RFX3: variants seen among roughly 807,000 people sequenced by gnomAD.
RFX3 encodes the protein transcription factor RFX3.
Under a neutral mutation model 98.6 loss-of-function variants are expected in RFX3, and 14 were observed. That is an observed-to-expected ratio of 0.14 (90% CI 0.09 to 0.22). The LOEUF is 0.22. Ranked by LOEUF, RFX3 falls within the 10% of genes least tolerant of loss-of-function variation. RFX3 has a pLI of 1.00. For synonymous variants in RFX3, 383 were observed against 328.4 expected, an observed-to-expected ratio of 1.17 and a Z score of -1.80; for missense variants, 639 against 926.9, an observed-to-expected ratio of 0.69 and a Z score of 4.03.
At chr9:3,434,613 C>T (rs1844953509) in intron 1 of RFX3, among the ~76,000 whole-genome samples, 1 of 152,038 alleles carries the variant, frequency 6.6e-6, no homozygotes, top group African/African-American at 2.4e-5. Context: ...GAACATCCTT[C>T]CCTAATCTTT....
chr9:3,505,331 T>TAAATATAAAATAAAATATTTTTA lies in RFX3; in HGVS notation c.-9+20415_-9+20416insTAAAAATATTTTATTTTATATTT, dbSNP rs1816908961. On this transcript the variant is annotated intron_variant, in intron 1 of 16. Coordinates refer to ENST00000617270, the MANE Select transcript of RFX3 (RefSeq NM_001282116.2). ...AAATATATATTAATGTATATTTATA[T>TAAATATAAAATAAAATATTTTTA]TTTATATAAATAAAATATTTTATAT... is the stretch of plus-strand genomic sequence containing the variant. 6.7e-4 allele frequency among the ~76,000 whole-genome samples: 61 copies of TAAATATAAAATAAAATATTTTTA among 90,758 alleles called. 6 individuals are homozygous for TAAATATAAAATAAAATATTTTTA. Among genetic ancestry groups the TAAATATAAAATAAAATATTTTTA allele is most frequent in the African/African-American group, 2.6e-3 (47 of 17,738 alleles). The allele number at this position is 90,758 out of a possible 152,430, so 59.5% of individuals were successfully genotyped here.
intron 7 of RFX3, among the ~76,000 whole-genome samples, chr9:3,286,898 C>T (rs1056002144): frequency 4.0e-5 from 6 of 151,854 alleles, no homozygotes; most frequent in Non-Finnish European, 8.8e-5. Flanking sequence ...CTTTTTATGA[C>T]TCCTCTAAGT....
chr9:3,233,948 A>C (rs941403691), intron 15 of RFX3, among the ~76,000 whole-genome samples: 2 of 152,226 alleles, frequency 1.3e-5, no homozygotes, highest in Non-Finnish European at 2.9e-5. Flanking sequence ...CGACTCTACT[A>C]TCCCAGTACT....
At chr9:3,266,355 T>G (rs1030173241) in intron 11 of RFX3, 50 bp from the exon 12 acceptor site, 3 of 1,200,216 alleles carry the variant, frequency 2.5e-6, no homozygotes, top group Admixed American at 1.8e-5. Context: ...GAAAGAATAT[T>G]AATGTTTGTG....
At chr9:3,304,966 G>C (rs942797431) in intron 4 of RFX3, among the ~76,000 whole-genome samples, 1 of 152,096 alleles carries the variant, frequency 6.6e-6, no homozygotes, top group East Asian at 1.9e-4. Context: ...TGAAAACTGT[G>C]AACTCTCTAC....
In RFX3 at chr9:3,475,512, G is replaced by C. The variant is rs181901447; in HGVS notation, c.-9+50235C>G. On this transcript the variant is annotated intron_variant, in intron 1 of 16. Coordinates refer to ENST00000617270, the MANE Select transcript of RFX3 (RefSeq NM_001282116.2). ...CCTTCCCTGCCTGGCAGCCAAGGCAGACAGAGAGAGAGGGAGAGAGAGAGG... is the reference window on the plus strand; with the variant it reads ...CCTTCCCTGCCTGGCAGCCAAGGCACACAGAGAGAGAGGGAGAGAGAGAGG... Among the ~76,000 whole-genome samples, 8 of 152,300 alleles carry C rather than the reference G, an allele frequency of 5.3e-5. No individual in the cohort carries two copies. In the East Asian group the frequency reaches 1.5e-3, roughly 29 times the overall value.
In RFX3 at chr9:3,220,373, T is replaced by C. The variant is rs547068567; in HGVS notation, c.*4669A>G. The C allele has an allele frequency of 1.3e-5, 2 of 152,144 alleles. No homozygotes were observed. Among genetic ancestry groups the C allele is most frequent in the African/African-American group, 4.8e-5 (2 of 41,428 alleles). The allele number at this position is 152,144 out of a possible 1,614,324, so 9.4% of individuals were successfully genotyped here. A position where few individuals can be genotyped will look rare whatever the true frequency, so the allele number is the denominator to read the frequency against. On this transcript the variant is annotated 3_prime_UTR_variant, in exon 17 of 17. Transcript: ENST00000617270. ...AAAAAAAAAGAAACTTAACCCTTTC[T>C]TTATACCTTTTAAAGGCAATCTAGG...
At chr9:3,382,070 G>A (rs530733164) in intron 2 of RFX3, among the ~76,000 whole-genome samples, 1 of 152,136 alleles carries the variant, frequency 6.6e-6, no homozygotes, top group East Asian at 1.9e-4. Context: ...CCTTAGATCT[G>A]TCACTCAGGC....
intron 3 of RFX3, among the ~76,000 whole-genome samples, chr9:3,342,923 A>G (rs1018638238): frequency 5.9e-5 from 9 of 152,204 alleles, no homozygotes; most frequent in African/African-American, 1.9e-4. Flanking sequence ...GGGCAAAAGT[A>G]ATTAAATTAC....
At chr9:3,251,779 T>G (rs2131019713) in intron 14 of RFX3, among the ~76,000 whole-genome samples, 1 of 152,296 alleles carries the variant, frequency 6.6e-6, no homozygotes, top group South Asian at 2.1e-4. Context: ...GGAATAAATA[T>G]CACAGATACA....
At chr9:3,234,587 T>C (rs751824016) in intron 15 of RFX3, among the ~76,000 whole-genome samples, 3 of 152,126 alleles carry the variant, frequency 2.0e-5, no homozygotes, top group Non-Finnish European at 4.4e-5. Flanking sequence ...TGCAGTGAAC[T>C]GTGATCGTGC....
intron 1 of RFX3, among the ~76,000 whole-genome samples, chr9:3,498,510 T>C (rs1027802702): frequency 1.3e-5 from 2 of 152,084 alleles, no homozygotes; most frequent in Non-Finnish European, 2.9e-5. Context: ...AAGCATTATT[T>C]TGCTACAGTA....
intron 1 of RFX3, among the ~76,000 whole-genome samples, chr9:3,519,398 C>G (rs1011667349): frequency 2.0e-5 from 3 of 151,996 alleles, no homozygotes; most frequent in Admixed American, 6.6e-5. Context: ...CAAAGTCTTT[C>G]AAAACTTTTT....
chr9:3,500,943 T>C (rs1040148876), intron 1 of RFX3, among the ~76,000 whole-genome samples: 2 of 152,200 alleles, frequency 1.3e-5, no homozygotes, highest in Non-Finnish European at 2.9e-5. Flanking sequence ...CTGTCAATAC[T>C]ATTAACTAAA....
At chr9:3,319,341 C>T (rs1830994082) in intron 4 of RFX3, among the ~76,000 whole-genome samples, 2 of 151,822 alleles carry the variant, frequency 1.3e-5, no homozygotes, top group South Asian at 2.1e-4. Context: ...AAAACAGTTT[C>T]ACTAAAACAT....
intron 1 of RFX3, among the ~76,000 whole-genome samples, chr9:3,449,703 A>G (rs550711632): frequency 2.9e-4 from 44 of 152,216 alleles, no homozygotes; most frequent in African/African-American, 1.0e-3. Flanking sequence ...AAGGAAAAAA[A>G]TTAGCCAGGT....
intron 1 of RFX3, among the ~76,000 whole-genome samples, chr9:3,479,880 C>T (rs1402154375): frequency 6.6e-6 from 1 of 152,102 alleles, no homozygotes; most frequent in Admixed American, 6.6e-5. Flanking sequence ...ATTGAGTTTA[C>T]CTCAGATTCA....
intron 1 of RFX3, among the ~76,000 whole-genome samples, chr9:3,485,476 T>C (rs889939422): frequency 5.9e-5 from 9 of 152,198 alleles, no homozygotes; most frequent in African/African-American, 2.2e-4. Flanking sequence ...CAAAAAGCCA[T>C]GAGCTGCTTA....
At chr9:3,351,106 A>T (rs2920384) in intron 2 of RFX3, among the ~76,000 whole-genome samples, 5,092 of 151,982 alleles carry the variant, frequency 0.034, 291 homozygotes, top group African/African-American at 0.12. Context: ...GGTGATAATG[A>T]TGTGTCAATG....
Sources: allele counts gnomAD v4.1 joint callset (sites outside exome capture counted in the v4.1 genomes callset), GRCh38; gene constraint gnomAD v4.1.1; transcripts MANE v1.5; gene names NCBI Gene and HGNC (gene_info 2026-07-23, HGNC 2026-07-21).